Variants in VPS13B observed in about 807,000 individuals in gnomAD.
The protein encoded by VPS13B is vacuolar protein sorting 13 homolog B, also known as intermembrane lipid transfer protein VPS13B.
VPS13B carries 285 observed loss-of-function variants against 426.4 expected under a neutral mutation model. The ratio of observed to expected loss-of-function variants is 0.67; its 90% confidence interval spans 0.61 to 0.74. The LOEUF (loss-of-function observed/expected upper bound fraction) is 0.74. VPS13B is among the 30% of genes least tolerant of loss of function. The pLI, the probability that VPS13B is intolerant of heterozygous loss-of-function variation, is 0.00. For synonymous variants in VPS13B, 1,676 were observed against 1,676.4 expected, an observed-to-expected ratio of 1.00 and a Z score of 0.01; for missense variants, 4,537 against 4,782.6, an observed-to-expected ratio of 0.95 and a Z score of 1.51.
chr8:99,125,459 A>G (rs545208966), intron 8 of VPS13B, among the ~76,000 whole-genome samples: 5 of 152,272 alleles, frequency 3.3e-5, no homozygotes, highest in Non-Finnish European at 7.4e-5. Context: ...CACTGACTCA[A>G]TTGTTAAACT....
intron 3 of VPS13B, among the ~76,000 whole-genome samples, chr8:99,066,796 A>C (rs925399290): frequency 6.6e-6 from 1 of 152,262 alleles, no homozygotes. Context: ...GAACTTAAAC[A>C]AATTTACAAG....
At chr8:99,517,065 A>T (rs1006362232) in intron 29 of VPS13B, among the ~76,000 whole-genome samples, 18 of 152,180 alleles carry the variant, frequency 1.2e-4, no homozygotes, top group African/African-American at 4.3e-4. Context: ...ATAACTGATT[A>T]AAAACTTTTG....
At position 99,875,945 on chromosome 8, in the gene VPS13B, A is replaced by AAAAG. The variant is rs1018403819; in HGVS notation, c.*281_*284dup. 2.1e-5 allele frequency: 10 copies of AAAAG among 466,574 alleles called. No individual in the cohort carries two copies. Among genetic ancestry groups the AAAAG allele is most frequent in the Non-Finnish European group, 3.1e-5 (8 of 256,954 alleles). 28.9% of individuals were successfully genotyped at this position (466,574 alleles called of 1,614,324 possible). The stretch of plus-strand genomic sequence containing the variant: ...TTTCCTTATTTACATCCTTACCTCT[A>AAAAG]AAAGATACTTCAAAGTGACAAAAAC... On this transcript the variant is annotated 3_prime_UTR_variant, in exon 62 of 62. Coordinates refer to ENST00000357162, the MANE Select transcript of VPS13B (RefSeq NM_152564.5).
At chr8:99,238,046 C>G (rs1247149270) in intron 17 of VPS13B, among the ~76,000 whole-genome samples, 2 of 151,926 alleles carry the variant, frequency 1.3e-5, no homozygotes, top group South Asian at 4.2e-4. Flanking sequence ...GTTTGTGGGT[C>G]GTGCTTTTCC....
intron 19 of VPS13B, among the ~76,000 whole-genome samples, chr8:99,359,056 A>C (rs1299061797): frequency 1.3e-5 from 2 of 152,146 alleles, no homozygotes; most frequent in Admixed American, 1.3e-4. Context: ...TCTAAATTAC[A>C]TTATTATAAA....
At chr8:99,177,325 C>T (rs1167197722) in intron 16 of VPS13B, among the ~76,000 whole-genome samples, 1 of 152,014 alleles carries the variant, frequency 6.6e-6, no homozygotes, top group Non-Finnish European at 1.5e-5. Context: ...AATGGTCTTG[C>T]CAATTTCTGT....
At chr8:99,225,571 TCA>T (rs1216551889) in intron 17 of VPS13B, among the ~76,000 whole-genome samples, 1 of 152,222 alleles carries the variant, frequency 6.6e-6, no homozygotes, top group East Asian at 1.9e-4. Context: ...GTATCACAAT[TCA>T]CCCCTTGTTT....
chr8:99,195,125 G>C (rs996768977), intron 17 of VPS13B, among the ~76,000 whole-genome samples: 1 of 152,134 alleles, frequency 6.6e-6, no homozygotes, highest in Non-Finnish European at 1.5e-5. Context: ...GATTATAGGC[G>C]TGAAGGTTGT....
chr8:99,511,045 A>G, intron 28 of VPS13B, 59 bp from the exon 29 acceptor site: 6 of 1,594,382 alleles, frequency 3.8e-6, no homozygotes, highest in Admixed American at 3.3e-5. Flanking sequence ...CTTCTTTCCA[A>G]TTTTTAAAAA....
intron 52 of VPS13B, among the ~76,000 whole-genome samples, chr8:99,834,544 TTA>T (rs773954913): frequency 3.4e-5 from 5 of 145,928 alleles, no homozygotes; most frequent in Non-Finnish European, 3.1e-5. Context: ...TTTTTATTTT[TTA>T]TTTTTTTTGA....
intron 17 of VPS13B, among the ~76,000 whole-genome samples, chr8:99,261,027 C>A (rs919375806): frequency 1.3e-5 from 2 of 151,840 alleles, no homozygotes; most frequent in African/African-American, 4.8e-5. Flanking sequence ...TTCCCTTATA[C>A]CCCCACCCCA....
intron 17 of VPS13B, among the ~76,000 whole-genome samples, chr8:99,251,777 T>C (rs927944186): frequency 6.6e-6 from 1 of 152,054 alleles, no homozygotes; most frequent in African/African-American, 2.4e-5. Context: ...GGTAGATTTC[T>C]CCATTTGGAC....
intron 2 of VPS13B, among the ~76,000 whole-genome samples, chr8:99,015,303 A>G (rs1841554609): frequency 7.1e-6 from 1 of 141,822 alleles, no homozygotes; most frequent in Non-Finnish European, 1.5e-5. Context: ...TGCAAGCTCC[A>G]TCTCCCGGGT....
chr8:99,603,483 C>A (rs549640758), intron 33 of VPS13B, among the ~76,000 whole-genome samples: 2 of 152,248 alleles, frequency 1.3e-5, no homozygotes, highest in African/African-American at 4.8e-5. Flanking sequence ...AATGCTTGTC[C>A]TTTAGGGCCA....
chr8:99,461,405 G>A (rs3134152), intron 23 of VPS13B, among the ~76,000 whole-genome samples: 142,383 of 152,236 alleles, frequency 0.94, 66,721 homozygotes, highest in East Asian at 1. Flanking sequence ...AATCATTCCA[G>A]CTCTTTGACA....
chr8:99,521,132 A>G, intron 30 of VPS13B, 122 bp downstream of exon 30: 1 of 823,446 alleles, frequency 1.2e-6, no homozygotes, highest in African/African-American at 1.7e-5. Context: ...GATATTTAAA[A>G]CCAGGTTTTT....
chr8:99,748,787 G>T (rs546438453), intron 39 of VPS13B, among the ~76,000 whole-genome samples: 2 of 151,802 alleles, frequency 1.3e-5, no homozygotes, highest in African/African-American at 4.8e-5. Flanking sequence ...CTCTCTATTC[G>T]CAGTTTCCTT....
intron 21 of VPS13B, among the ~76,000 whole-genome samples, chr8:99,424,920 G>C (rs1374524880): frequency 1.3e-5 from 2 of 152,172 alleles, no homozygotes; most frequent in South Asian, 2.1e-4. Flanking sequence ...ACTACCATCA[G>C]AGAATACCAT....
intron 29 of VPS13B, 79 bp from the exon 30 acceptor site, chr8:99,520,818 ATT>A: frequency 1.0e-6 from 1 of 977,388 alleles, no homozygotes; most frequent in Non-Finnish European, 1.6e-6. Flanking sequence ...TCTCTATTCC[ATT>A]CCCTCAAAGA....
Sources: gnomAD v4.1 joint callset for allele counts (sites outside exome capture counted in the v4.1 genomes callset) on GRCh38, gnomAD v4.1.1 for gene constraint, MANE v1.5 for transcripts, NCBI Gene and HGNC (gene_info 2026-07-23, HGNC 2026-07-21) for gene names.